Variants in DPP6 observed in about 807,000 individuals in gnomAD.
DPP6 encodes A-type potassium channel modulatory protein DPP6.
A neutral mutation model predicts 122.6 loss-of-function variants in DPP6; 69 were observed. That is an observed-to-expected ratio of 0.56 (90% CI 0.46 to 0.69). The LOEUF (loss-of-function observed/expected upper bound fraction) is 0.69, where lower values mean the gene tolerates loss of function less well. DPP6 is among the 30% of genes least tolerant of loss of function. The pLI is 0.00. For synonymous variants in DPP6, 418 were observed against 433.1 expected (o/e 0.97, Z 0.43); for missense variants, 928 against 1,116.9 (o/e 0.83, Z 2.41).
intron 1 of DPP6, among the ~76,000 whole-genome samples, chr7:154,431,214 G>T (rs566123194): frequency 6.6e-6 from 1 of 152,096 alleles, no homozygotes; most frequent in African/African-American, 2.4e-5. Context: ...AGGGGGAAGC[G>T]CCAAGGCCGT....
chr7:154,033,770 C>A (rs1476758167), intron 1 of DPP6, among the ~76,000 whole-genome samples: 3 of 152,162 alleles, frequency 2.0e-5, no homozygotes, highest in Non-Finnish European at 4.4e-5. Context: ...CCCAACAGGA[C>A]CTTAACATGT....
Position 154,481,507 on chromosome 7 carries a change from G to A in DPP6, c.457+6470G>A, listed in dbSNP as rs1008661672. 7.2e-6 allele frequency among the ~76,000 whole-genome samples: 1 copy of A among 138,004 alleles called. No homozygotes were observed. Among genetic ancestry groups the A allele is most frequent in the African/African-American group, 2.8e-5 (1 of 36,022 alleles). 90.5% of individuals were successfully genotyped at this position (138,004 alleles called of 152,430 possible). ...CTTCACAGACCCCCCGCTGCCCACTGTGCGAGCACAGCCCTGGCCCCCCGA... is the reference window on the plus strand; with the variant it reads ...CTTCACAGACCCCCCGCTGCCCACTATGCGAGCACAGCCCTGGCCCCCCGA... On this transcript the variant is annotated intron_variant, in intron 3 of 25. Coordinates refer to ENST00000377770, the MANE Select transcript of DPP6 (RefSeq NM_130797.4). The surrounding 1 kb of genome is among the most constrained non-coding windows in gnomAD (Gnocchi z 4.2).
intron 8 of DPP6, among the ~76,000 whole-genome samples, chr7:154,765,199 C>A (rs1795823257): frequency 1.3e-5 from 2 of 152,178 alleles, no homozygotes; most frequent in Admixed American, 6.5e-5. Context: ...TTCCTCTCTT[C>A]TAGCTAGTCA....
the DPP6 span, among the ~76,000 whole-genome samples, chr7:153,821,086 T>C: frequency 6.6e-6 from 1 of 152,208 alleles, no homozygotes; most frequent in Non-Finnish European, 1.5e-5. Flanking sequence ...TATTGTAAAT[T>C]TTCAGTAATA....
chr7:153,791,840 A>G, the DPP6 span, among the ~76,000 whole-genome samples: 7 of 152,214 alleles, frequency 4.6e-5, no homozygotes, highest in African/African-American at 1.7e-4. Context: ...TGTGAATACA[A>G]ATGAGAGGGA....
chr7:154,697,513 C>T (rs993225448), intron 7 of DPP6, among the ~76,000 whole-genome samples: 7 of 152,198 alleles, frequency 4.6e-5, no homozygotes, highest in African/African-American at 9.6e-5. Context: ...TTCCAGGTGG[C>T]CCTGCCATCC....
intron 1 of DPP6, among the ~76,000 whole-genome samples, chr7:154,198,435 C>T (rs373007382): frequency 1.3e-5 from 2 of 152,180 alleles, no homozygotes; most frequent in East Asian, 3.9e-4. Context: ...CCTCAGCCTC[C>T]CAAGTAGCTG....
chr7:153,940,964 A>G (rs999822163), intron 1 of DPP6, among the ~76,000 whole-genome samples: 1 of 152,144 alleles, frequency 6.6e-6, no homozygotes, highest in South Asian at 2.1e-4. Flanking sequence ...ATCTCTGCAC[A>G]TGGGAGAGGG....
intron 1 of DPP6, among the ~76,000 whole-genome samples, chr7:154,242,856 G>A (rs1403747550): frequency 1.3e-5 from 2 of 152,238 alleles, no homozygotes; most frequent in African/African-American, 4.8e-5. Flanking sequence ...GGGCCTAGCA[G>A]TGGTTGCCTT....
intron 1 of DPP6, among the ~76,000 whole-genome samples, chr7:154,442,402 G>A (rs944946597): frequency 4.6e-5 from 7 of 152,124 alleles, no homozygotes; most frequent in African/African-American, 7.2e-5. Context: ...GAATAATGCC[G>A]GTGAAACCAG....
At chr7:153,869,961 G>C in the DPP6 span, among the ~76,000 whole-genome samples, 2 of 152,192 alleles carry the variant, frequency 1.3e-5, no homozygotes, top group African/African-American at 4.8e-5. Context: ...TTTTCTTTAA[G>C]AATGTTGAAT....
At chr7:153,981,595 C>T (rs1327897081) in intron 1 of DPP6, among the ~76,000 whole-genome samples, 1 of 152,170 alleles carries the variant, frequency 6.6e-6, no homozygotes, top group Non-Finnish European at 1.5e-5. Context: ...ATGATGGTAG[C>T]TGGTTACTTT....
At chr7:154,161,278 C>T (rs1301603981) in intron 1 of DPP6, among the ~76,000 whole-genome samples, 4 of 152,224 alleles carry the variant, frequency 2.6e-5, no homozygotes, top group African/African-American at 7.2e-5. Context: ...AGGTGGATCA[C>T]GTGAGGTCAG....
intron 1 of DPP6, among the ~76,000 whole-genome samples, chr7:154,130,484 A>C (rs1451633158): frequency 6.6e-6 from 1 of 152,210 alleles, no homozygotes; most frequent in African/African-American, 2.4e-5. Context: ...AACTTGGAAG[A>C]AGGTCAAAGC....
At chr7:154,284,106 G>A (rs2150955062) in intron 1 of DPP6, among the ~76,000 whole-genome samples, 1 of 152,184 alleles carries the variant, frequency 6.6e-6, no homozygotes, top group Non-Finnish European at 1.5e-5. Context: ...GCCTCATCAT[G>A]GTCACTAAAG....
intron 1 of DPP6, among the ~76,000 whole-genome samples, chr7:154,294,054 G>C (rs185227699): frequency 6.6e-6 from 1 of 152,278 alleles, no homozygotes; most frequent in Non-Finnish European, 1.5e-5. Context: ...CACATAGCCA[G>C]TAAGCGAAAG....
intron 1 of DPP6, among the ~76,000 whole-genome samples, chr7:154,147,566 G>A (rs1191849324): frequency 4.0e-5 from 6 of 151,380 alleles, no homozygotes; most frequent in Middle Eastern, 3.4e-3. Flanking sequence ...TGCAACCTCC[G>A]TCTCCCAGGT....
the DPP6 span, among the ~76,000 whole-genome samples, chr7:153,843,165 T>C: frequency 1.7e-3 from 263 of 151,300 alleles, 4 homozygotes; most frequent in African/African-American, 6.0e-3. Flanking sequence ...CATATGTGCA[T>C]ACACACACGA....
At chr7:154,574,648 GGTGTAGTGTTTGTGTATGT>G (rs1831382734) in intron 5 of DPP6, among the ~76,000 whole-genome samples, 1 of 119,190 alleles carries the variant, frequency 8.4e-6, no homozygotes, top group African/African-American at 3.2e-5. Context: ...TGGTGTGTGT[GGTGTAGTGTTTGTGTATGT>G]GTGTGGTGTG....
Sources: gnomAD v4.1 joint callset for allele counts (sites outside exome capture counted in the v4.1 genomes callset) on GRCh38, gnomAD v4.1.1 for gene constraint, Gnocchi (gnomAD v3.1) non-coding constraint, MANE v1.5 for transcripts, NCBI Gene and HGNC (gene_info 2026-07-23, HGNC 2026-07-21) for gene names.